IQSEC1: variants seen among roughly 807,000 people sequenced by gnomAD.
IQSEC1 encodes IQ motif and SEC7 domain-containing protein 1.
In IQSEC1, 31 loss-of-function variants were observed where a neutral mutation model predicts 91.0. The observed-to-expected ratio is 0.34, with a 90% CI of 0.26 to 0.46. IQSEC1 has a LOEUF of 0.46. IQSEC1 is among the 20% of genes least tolerant of loss of function. The probability of loss-of-function intolerance (pLI) is 1.00; values close to 1 mark genes in which losing one functional copy is unlikely to be tolerated. For missense variants in IQSEC1, 1,388 were observed against 1,575.6 expected, an observed-to-expected ratio of 0.88 and a Z score of 2.02; for synonymous variants, 699 against 662.6, an observed-to-expected ratio of 1.05 and a Z score of -0.84.
At chr3:12,901,647 C>CAGAGGGTGGGGCTCA in intron 13 of IQSEC1, 125 bp from the exon 14 acceptor site, 1 of 816,194 alleles carries the variant, frequency 1.2e-6, no homozygotes, top group Non-Finnish European at 1.9e-6. Context: ...ACTCACTGGC[C>CAGAGGGTGGGGCTCA]AGAGGGTGGG....
intron 1 of IQSEC1, among the ~76,000 whole-genome samples, chr3:13,181,170 C>T (rs1286196419): frequency 6.6e-6 from 1 of 152,154 alleles, no homozygotes. Flanking sequence ...ACTCAGGAGG[C>T]TGAGGCAGGA....
At chr3:13,279,708 C>T (rs77115940) in intron 1 of IQSEC1, among the ~76,000 whole-genome samples, 8 of 152,328 alleles carry the variant, frequency 5.3e-5, no homozygotes, top group Non-Finnish European at 1.2e-4. Flanking sequence ...AGGAGGTCCA[C>T]CAGGCCTGGC....
At chr3:13,117,742 G>A (rs1038860249) in intron 2 of IQSEC1, among the ~76,000 whole-genome samples, 8 of 151,252 alleles carry the variant, frequency 5.3e-5, no homozygotes, top group African/African-American at 9.7e-5. Context: ...AAAATTAGCC[G>A]GGCGTGGTAG....
At chr3:13,219,949 C>T (rs1559279855) in intron 1 of IQSEC1, among the ~76,000 whole-genome samples, 1 of 152,368 alleles carries the variant, frequency 6.6e-6, no homozygotes, top group East Asian at 1.9e-4. Flanking sequence ...CCCAGTCACT[C>T]CAGGCGTGGC....
chr3:12,950,497 T>C (rs1264788002), intron 1 of IQSEC1, among the ~76,000 whole-genome samples: 1 of 152,044 alleles, frequency 6.6e-6, no homozygotes, highest in East Asian at 1.9e-4. Flanking sequence ...CAAGACCCTG[T>C]CTCCACAAAA....
intron 1 of IQSEC1, among the ~76,000 whole-genome samples, chr3:13,047,118 T>C (rs544601983): frequency 1.4e-4 from 22 of 152,292 alleles, no homozygotes; most frequent in African/African-American, 5.3e-4. Context: ...TTGGTCGTCA[T>C]GGGAACTGCC....
intron 1 of IQSEC1, among the ~76,000 whole-genome samples, chr3:13,201,394 G>A (rs914336592): frequency 1.3e-5 from 2 of 152,162 alleles, no homozygotes; most frequent in Admixed American, 6.5e-5. Context: ...GCAGTAATGC[G>A]ATCATAGCTC....
intron 1 of IQSEC1, among the ~76,000 whole-genome samples, chr3:12,993,191 C>T (rs368015827): frequency 2.6e-5 from 4 of 152,196 alleles, no homozygotes; most frequent in African/African-American, 9.7e-5. Context: ...GGAGGTCTAC[C>T]GGGAGAGCTC....
chr3:12,947,311 T>C (rs929626392), intron 1 of IQSEC1, among the ~76,000 whole-genome samples: 2 of 152,052 alleles, frequency 1.3e-5, no homozygotes, highest in African/African-American at 4.8e-5. Flanking sequence ...CTGCGGCAGG[T>C]CAGACACCCG....
At chr3:13,144,786 C>T (rs1388506127) in intron 2 of IQSEC1, among the ~76,000 whole-genome samples, 2 of 152,198 alleles carry the variant, frequency 1.3e-5, no homozygotes, top group Non-Finnish European at 2.9e-5. Context: ...GGACTGATAG[C>T]CCAGGAGCTC....
At chr3:12,981,581 T>C (rs1701465349) in intron 1 of IQSEC1, among the ~76,000 whole-genome samples, 1 of 152,184 alleles carries the variant, frequency 6.6e-6, no homozygotes, top group Non-Finnish European at 1.5e-5. Flanking sequence ...ATCTTTTGAA[T>C]TGTAAACCAT....
chr3:13,070,213 G>A (rs1705369744), intron 1 of IQSEC1, among the ~76,000 whole-genome samples: 1 of 152,222 alleles, frequency 6.6e-6, no homozygotes, highest in South Asian at 2.1e-4. Context: ...GCTGGGGAAG[G>A]GACACCACTG....
chr3:13,041,430 C>T (rs1265177757), intron 1 of IQSEC1, among the ~76,000 whole-genome samples: 2 of 152,292 alleles, frequency 1.3e-5, no homozygotes, highest in East Asian at 3.9e-4. Context: ...AAGAAAAGCT[C>T]CCACACTTTC....
rs139003369 is a variant in IQSEC1, at chr3:12,941,610, G to A, written c.279C>T (p.Ser93=). 12 of 1,607,120 alleles carry A rather than the reference G, an allele frequency of 7.5e-6. No homozygotes were observed. Among genetic ancestry groups the A allele is most frequent in the East Asian group, 2.2e-5 (1 of 44,700 alleles). Residue 93 remains serine (S), a synonymous_variant, in exon 2 of 14, where the codon TCC becomes TCT. Coordinates refer to ENST00000613206, the MANE Select transcript of IQSEC1 (RefSeq NM_001134382.3). ...GGTCCGAGGAGAGCTCATAGCTCTC[G>A]GAGAGTGAGCGTGAGCGCTTGATGG... is the stretch of plus-strand genomic sequence containing the variant. ...EEAIKRSRSL[S]ESYELSSDLQ... is the part of the protein sequence containing the mutation.
intron 1 of IQSEC1, among the ~76,000 whole-genome samples, chr3:13,009,394 G>C (rs772031677): frequency 1.3e-5 from 2 of 152,250 alleles, no homozygotes; most frequent in South Asian, 2.1e-4. Context: ...AGGGAGGCGG[G>C]ACCTTGCCTG....
chr3:12,981,125 G>T (rs1701435004), intron 1 of IQSEC1, among the ~76,000 whole-genome samples: 1 of 152,190 alleles, frequency 6.6e-6, no homozygotes, highest in Non-Finnish European at 1.5e-5. Flanking sequence ...GCAGCAGAGG[G>T]GTGAGGCTTG....
At chr3:13,136,169 C>A (rs1033987799) in intron 2 of IQSEC1, among the ~76,000 whole-genome samples, 2 of 152,228 alleles carry the variant, frequency 1.3e-5, no homozygotes, top group African/African-American at 4.8e-5. Flanking sequence ...TTCAAGCCAA[C>A]AACGTGAGGG....
intron 1 of IQSEC1, among the ~76,000 whole-genome samples, chr3:13,176,015 A>G (rs1693721501): frequency 6.6e-6 from 1 of 152,214 alleles, no homozygotes; most frequent in South Asian, 2.1e-4. Context: ...AGACGTGACA[A>G]TGGGCGATTT....
chr3:13,118,722 A>T (rs971986902), intron 2 of IQSEC1, among the ~76,000 whole-genome samples: 5 of 152,110 alleles, frequency 3.3e-5, no homozygotes, highest in Admixed American at 1.3e-4. Context: ...AGTTCTGGAG[A>T]TGGATGGTGG....
Sources: gnomAD v4.1 joint callset for allele counts (sites outside exome capture counted in the v4.1 genomes callset) on GRCh38, gnomAD v4.1.1 for gene constraint, MANE v1.5 for transcripts, NCBI Gene and HGNC (gene_info 2026-07-23, HGNC 2026-07-21) for gene names.